HEATR4: variants seen among roughly 807,000 people sequenced by gnomAD.
HEATR4 encodes HEAT repeat containing 4.
HEATR4 carries 95 observed loss-of-function variants against 108.8 expected under a neutral mutation model. The ratio of observed to expected loss-of-function variants is 0.87; its 90% confidence interval spans 0.74 to 1.04. The LOEUF is 1.04. Among genes scored for constraint, HEATR4 ranks in the 50% least tolerant of loss-of-function variants. The probability of loss-of-function intolerance (pLI) is 0.00; values close to 1 mark genes in which losing one functional copy is unlikely to be tolerated. For missense variants in HEATR4, 1,152 were observed against 1,253.8 expected (o/e 0.92, Z 1.23); for synonymous variants, 443 against 459.4 (o/e 0.96, Z 0.46).
chr14:73,596,821 ACTC>A, the HEATR4 span, among the ~76,000 whole-genome samples: 1 of 150,890 alleles, frequency 6.6e-6, no homozygotes, highest in African/African-American at 2.4e-5. Context: ...CTGGTCTTGA[ACTC>A]CTGATGTCAA....
rs1885828349 is a variant in HEATR4 at position 73,492,392 on chromosome 14, A to G, written c.2844+674T>C. 14 of 1,613,724 alleles carry G rather than the reference A, an allele frequency of 8.7e-6. No individual in the cohort carries two copies. The highest frequency in any genetic ancestry group is 1.2e-5 in the Non-Finnish European group (14 of 1,179,778). ...TCGGAGGGGTCTGCCCCGAGACTTCATGGATTACATGGGGGCCCAGCATTC... is the reference window on the plus strand; with the variant it reads ...TCGGAGGGGTCTGCCCCGAGACTTCGTGGATTACATGGGGGCCCAGCATTC... On this transcript the variant is annotated intron_variant, in intron 17 of 17. Coordinates refer to ENST00000553558, the MANE Select transcript of HEATR4 (RefSeq NM_001220484.1). The surrounding 1 kb of genome is among the most constrained non-coding windows in gnomAD (Gnocchi z 4.9).
the HEATR4 span, chr14:73,581,465 ATG>A: frequency 1.6e-3 from 235 of 150,798 alleles, 4 homozygotes; most frequent in South Asian, 7.5e-3. Context: ...GTGTCTGTGT[ATG>A]TGTGTGTGTG....
At chr14:73,589,109 G>C in the HEATR4 span, among the ~76,000 whole-genome samples, 5 of 151,752 alleles carry the variant, frequency 3.3e-5, no homozygotes, top group Non-Finnish European at 7.4e-5. Context: ...CAAATCTCTA[G>C]TTTGCTTTAG....
At chr14:73,589,385 T>G in the HEATR4 span, among the ~76,000 whole-genome samples, 1 of 152,190 alleles carries the variant, frequency 6.6e-6, no homozygotes, top group Non-Finnish European at 1.5e-5. Context: ...AGTGGTATGA[T>G]CTCAGCTTAC....
chr14:73,588,724 T>C, the HEATR4 span, among the ~76,000 whole-genome samples: 1 of 152,266 alleles, frequency 6.6e-6, no homozygotes, highest in East Asian at 1.9e-4. Context: ...CATTTAGCCA[T>C]TGGATCAATC....
chr14:73,569,191 A>G, the HEATR4 span: 1 of 1,596,210 alleles, frequency 6.3e-7, no homozygotes, highest in Non-Finnish European at 8.6e-7. Flanking sequence ...TCACGTTAGC[A>G]GACAGCTCTG....
At chr14:73,578,993 G>A in the HEATR4 span, among the ~76,000 whole-genome samples, 1 of 151,254 alleles carries the variant, frequency 6.6e-6, no homozygotes. Context: ...GCTGAGGCAG[G>A]AGAATGGCGT....
the HEATR4 span, chr14:73,631,621 C>A: frequency 3.1e-5 from 5 of 162,922 alleles, no homozygotes; most frequent in South Asian, 4.9e-4. Flanking sequence ...AAGAACGGGT[C>A]GCTGCCACCA....
Position 73,531,823 on chromosome 14 carries a change from C to T in HEATR4, c.-151-1579G>A, listed in dbSNP as rs1238654880. On this transcript the variant is annotated intron_variant, in intron 1 of 17. Coordinates refer to ENST00000553558, the MANE Select transcript of HEATR4 (RefSeq NM_001220484.1). ...TCACCTGAGGTCAGGAGTTCGAGAC[C>T]AGCCTGACCAACATGGTGAAACCCC... Among the ~76,000 whole-genome samples the T allele has an allele frequency of 1.8e-5, 2 of 111,132 alleles. 1 individual carries two copies. Among genetic ancestry groups the T allele is most frequent in the Non-Finnish European group, 3.9e-5 (2 of 51,426 alleles). 72.9% of individuals were successfully genotyped at this position (111,132 alleles called of 152,430 possible).
chr14:73,572,270 G>T, the HEATR4 span, among the ~76,000 whole-genome samples: 1 of 147,390 alleles, frequency 6.8e-6, no homozygotes, highest in African/African-American at 2.5e-5. Flanking sequence ...ATAAATTGAG[G>T]TATATTTCCA....
Position 73,492,603 on chromosome 14 carries a change from G to C in HEATR4, c.2844+463C>G, listed in dbSNP as rs764991790. ...CTAAGTGTTTACGGGCTTCCAATTC[G>C]CTGGGAGGCTGGAGAACCTGTAAAC... On this transcript the variant is annotated intron_variant, in intron 17 of 17. Coordinates refer to ENST00000553558, the MANE Select transcript of HEATR4 (RefSeq NM_001220484.1). This position sits in a 1 kb window ranked among gnomAD's most constrained non-coding sequence, Gnocchi z 4.9. 1.2e-6 allele frequency: 2 copies of C among 1,613,930 alleles called. No individual in the cohort carries two copies. The highest frequency in any genetic ancestry group is 2.2e-5 in the South Asian group (2 of 91,084).
chr14:73,568,363 A>AC, the HEATR4 span, among the ~76,000 whole-genome samples: 4 of 151,428 alleles, frequency 2.6e-5, no homozygotes, highest in African/African-American at 7.3e-5. Context: ...AAAAAAAAAA[A>AC]CACCACACCT....
At chr14:73,609,838 A>G in the HEATR4 span, among the ~76,000 whole-genome samples, 1 of 151,870 alleles carries the variant, frequency 6.6e-6, no homozygotes, top group Admixed American at 6.6e-5. Flanking sequence ...ACGGGGTTTC[A>G]CCATGTTGGC....
chr14:73,533,879 TCTA>T lies in HEATR4; in HGVS notation c.-151-3638_-151-3636del, dbSNP rs1311206616. Among the ~76,000 whole-genome samples, 15 of 28,616 alleles carry T rather than the reference TCTA, an allele frequency of 5.2e-4. 4 individuals are homozygous for T. Among genetic ancestry groups the T allele is most frequent in the African/African-American group, 1.2e-3 (14 of 11,768 alleles). The allele number at this position is 28,616 out of a possible 152,430, so 18.8% of individuals were successfully genotyped here. On this transcript the variant is annotated intron_variant, in intron 1 of 17. Coordinates refer to ENST00000553558, the MANE Select transcript of HEATR4 (RefSeq NM_001220484.1). Reference sequence around the variant, plus strand: ...CTGGGCAACATAGCAAGACCCTGTCTCTAAAAAAAAAAAAAAAAAAAAAAGGTT... The same window carrying T: ...CTGGGCAACATAGCAAGACCCTGTCTAAAAAAAAAAAAAAAAAAAAAGGTT...
At chr14:73,628,064 CT>C in the HEATR4 span, among the ~76,000 whole-genome samples, 2,281 of 152,288 alleles carry the variant, frequency 0.015, 76 homozygotes, top group African/African-American at 0.052. Flanking sequence ...CCGCCTTGGC[CT>C]CCCAAAGTGC....
chr14:73,537,823 G>A, intron 1 of HEATR4: 1 of 1,209,908 alleles, frequency 8.3e-7, no homozygotes, highest in African/African-American at 1.6e-5. Flanking sequence ...CGCCCGGGGT[G>A]CGGCGCGAGC....
chr14:73,630,413 G>GT, the HEATR4 span, among the ~76,000 whole-genome samples: 2 of 152,190 alleles, frequency 1.3e-5, no homozygotes, highest in African/African-American at 2.4e-5. Context: ...TTCTCGCAAC[G>GT]TATTTTCCTA....
the HEATR4 span, among the ~76,000 whole-genome samples, chr14:73,624,106 G>A: frequency 6.6e-6 from 1 of 151,834 alleles, no homozygotes; most frequent in African/African-American, 2.4e-5. Flanking sequence ...AGACAACATA[G>A]TGAAACCCTG....
At chr14:73,506,024 G>C (rs1341652001) in intron 10 of HEATR4, among the ~76,000 whole-genome samples, 1 of 151,376 alleles carries the variant, frequency 6.6e-6, no homozygotes, top group Non-Finnish European at 1.5e-5. Context: ...CCAAGTAGCA[G>C]GGATTATAGG....
Sources: gnomAD v4.1 joint callset for allele counts (sites outside exome capture counted in the v4.1 genomes callset) on GRCh38, gnomAD v4.1.1 for gene constraint, Gnocchi (gnomAD v3.1) non-coding constraint, MANE v1.5 for transcripts, NCBI Gene and HGNC (gene_info 2026-07-23, HGNC 2026-07-21) for gene names.